Variants in ZBTB20 observed in about 807,000 individuals in gnomAD.
ZBTB20 encodes zinc finger and BTB domain containing 20.
In ZBTB20, 9 loss-of-function variants were observed where a neutral mutation model predicts 56.9. The ratio of observed to expected loss-of-function variants is 0.16; its 90% CI spans 0.10 to 0.28. The LOEUF (loss-of-function observed/expected upper bound fraction) is 0.28. ZBTB20 is among the 10% of genes least tolerant of loss of function. The pLI, the probability that ZBTB20 is intolerant of heterozygous loss-of-function variation, is 1.00. For missense variants in ZBTB20, 655 were observed against 1,003.0 expected, an observed-to-expected ratio of 0.65 and a Z score of 4.69; for synonymous variants, 417 against 420.7, an observed-to-expected ratio of 0.99 and a Z score of 0.11.
At chr3:115,017,390 A>G (rs949983430) in intron 2 of ZBTB20, among the ~76,000 whole-genome samples, 10 of 151,718 alleles carry the variant, frequency 6.6e-5, no homozygotes, top group Admixed American at 1.3e-4. Flanking sequence ...AAGGACACAA[A>G]CAAAAGGAAA....
intron 6 of ZBTB20, among the ~76,000 whole-genome samples, chr3:114,573,266 C>A (rs1422866211): frequency 6.6e-6 from 1 of 151,846 alleles, no homozygotes; most frequent in Non-Finnish European, 1.5e-5. Context: ...TCGAGACCAC[C>A]CTAGGCAACA....
intron 3 of ZBTB20, among the ~76,000 whole-genome samples, chr3:114,958,673 C>T (rs536792692): frequency 3.3e-5 from 5 of 151,676 alleles, no homozygotes; most frequent in African/African-American, 1.2e-4. Flanking sequence ...CATGGTGAAA[C>T]CCCATTTCTA....
intron 1 of ZBTB20, among the ~76,000 whole-genome samples, chr3:115,111,255 G>A (rs2108626706): frequency 6.6e-6 from 1 of 151,974 alleles, no homozygotes; most frequent in South Asian, 2.1e-4. Flanking sequence ...TATCTCACCA[G>A]TTGAGAAAAT....
At chr3:114,928,248 C>G (rs1365946300) in intron 3 of ZBTB20, among the ~76,000 whole-genome samples, 1 of 152,228 alleles carries the variant, frequency 6.6e-6, no homozygotes, top group Non-Finnish European at 1.5e-5. Context: ...GGGGCACACC[C>G]CATCATTTCA....
intron 10 of ZBTB20, among the ~76,000 whole-genome samples, chr3:114,355,476 C>T (rs1031186809): frequency 6.6e-6 from 1 of 152,174 alleles, no homozygotes; most frequent in Admixed American, 6.5e-5. Context: ...AGTACAGATG[C>T]GAAGGGGGAC....
chr3:114,662,676 T>C (rs951339957), intron 6 of ZBTB20, among the ~76,000 whole-genome samples: 2 of 145,502 alleles, frequency 1.4e-5, no homozygotes, highest in Non-Finnish European at 3.0e-5. Flanking sequence ...CATTTTTTCA[T>C]GTGTTTTTTG....
chr3:114,962,576 G>A (rs1478055721), intron 3 of ZBTB20, among the ~76,000 whole-genome samples: 1 of 152,042 alleles, frequency 6.6e-6, no homozygotes, highest in African/African-American at 2.4e-5. Context: ...TAATATAAAA[G>A]CTTAACAGTC....
At chr3:114,654,744 T>C (rs116633919) in intron 6 of ZBTB20, among the ~76,000 whole-genome samples, 8,804 of 152,256 alleles carry the variant, frequency 0.058, 337 homozygotes, top group Middle Eastern at 0.15. Context: ...TTCTGCCTAT[T>C]TGTTCTATCA....
At chr3:114,656,950 A>G (rs79540141) in intron 6 of ZBTB20, among the ~76,000 whole-genome samples, 1 of 152,166 alleles carries the variant, frequency 6.6e-6, no homozygotes, top group Non-Finnish European at 1.5e-5. Flanking sequence ...GCCTGAAAAC[A>G]TATTTTTTTA....
intron 7 of ZBTB20, among the ~76,000 whole-genome samples, chr3:114,479,190 C>T (rs2041238805): frequency 6.6e-6 from 1 of 152,048 alleles, no homozygotes; most frequent in South Asian, 2.1e-4. Flanking sequence ...TACTCAGTTA[C>T]ACTGAAACAT....
intron 6 of ZBTB20, among the ~76,000 whole-genome samples, chr3:114,584,366 T>G (rs895891373): frequency 6.6e-6 from 1 of 152,164 alleles, no homozygotes. Flanking sequence ...AAACACAAAA[T>G]CATTATGGAA....
chr3:114,860,419 A>C (rs1560332365), intron 4 of ZBTB20, among the ~76,000 whole-genome samples: 2 of 152,212 alleles, frequency 1.3e-5, no homozygotes. Flanking sequence ...TATATCAAAC[A>C]CTGTGGCTTA....
chr3:114,776,754 T>G (rs1442572474), intron 5 of ZBTB20, among the ~76,000 whole-genome samples: 1 of 152,180 alleles, frequency 6.6e-6, no homozygotes, highest in Non-Finnish European at 1.5e-5. Context: ...GAAAACAGGA[T>G]GCCAAGGCTT....
intron 6 of ZBTB20, among the ~76,000 whole-genome samples, chr3:114,523,866 A>G (rs1373226754): frequency 6.6e-6 from 1 of 152,224 alleles, no homozygotes; most frequent in African/African-American, 2.4e-5. Flanking sequence ...GGAAGAGTAA[A>G]TGACAAGGAA....
intron 3 of ZBTB20, among the ~76,000 whole-genome samples, chr3:114,916,257 A>T (rs951962170): frequency 5.9e-5 from 9 of 152,066 alleles, no homozygotes; most frequent in African/African-American, 2.2e-4. Context: ...ATTTATTTAC[A>T]GTTGTTATAT....
chr3:114,937,743 T>C (rs1170589691), intron 3 of ZBTB20, among the ~76,000 whole-genome samples: 4 of 152,242 alleles, frequency 2.6e-5, no homozygotes, highest in African/African-American at 7.2e-5. Flanking sequence ...CTTTGAGCAG[T>C]GTCTGTTCAT....
Position 115,113,619 on chromosome 3 carries a change from G to A in ZBTB20, c.-703+33600C>T, listed in dbSNP as rs1231824106. Among the ~76,000 whole-genome samples, 7 of 152,318 alleles carry A rather than the reference G, an allele frequency of 4.6e-5. 1 individual carries two copies. The highest frequency in any genetic ancestry group is 1.4e-4 in the African/African-American group (6 of 41,576). On this transcript the variant is annotated intron_variant, in intron 1 of 11. Transcript: ENST00000675478. Reference sequence around the variant, plus strand: ...ACAACAGCAGCCACCACAAGTGACTGGAAGCTCCAGCAGCTGTTACAAGCA... The same window carrying A: ...ACAACAGCAGCCACCACAAGTGACTAGAAGCTCCAGCAGCTGTTACAAGCA...
chr3:114,797,494 C>T (rs575856854), intron 5 of ZBTB20, among the ~76,000 whole-genome samples: 3 of 151,784 alleles, frequency 2.0e-5, no homozygotes, highest in Non-Finnish European at 4.4e-5. Context: ...AAAATGATAA[C>T]CATTTACTTC....
In ZBTB20 at chr3:114,351,145, G is replaced by A; in HGVS notation, c.933C>T (p.Cys311=). ...TGCGCACAGGCCGGGGCTGCTTGCG[G>A]CAGTGCGTGGTCTCGGGGGTGGTGG... The part of the protein sequence containing the change: ...YLSTTPETTH[C]RKQPRPVRIQ... The change falls in exon 11 of 12, where the codon TGC becomes TGT. Residue 311 remains cysteine, a synonymous_variant. Coordinates refer to ENST00000675478, the MANE Select transcript of ZBTB20 (RefSeq NM_001348800.3). The A allele has an allele frequency of 6.2e-7, 1 of 1,604,646 alleles. No individual in the cohort carries two copies. The highest frequency in any genetic ancestry group is 2.2e-5 in the East Asian group (1 of 44,664).
Sources: gnomAD v4.1 joint callset for allele counts (sites outside exome capture counted in the v4.1 genomes callset) on GRCh38, gnomAD v4.1.1 for gene constraint, MANE v1.5 for transcripts, NCBI Gene and HGNC (gene_info 2026-07-23, HGNC 2026-07-21) for gene names.